MAGI1: variants seen among roughly 807,000 people sequenced by gnomAD.
MAGI1 encodes membrane-associated guanylate kinase, WW and PDZ domain-containing protein 1.
A neutral mutation model predicts 139.9 loss-of-function variants in MAGI1; 58 were observed. The observed-to-expected ratio is 0.41, with a 90% confidence interval of 0.34 to 0.52. MAGI1 has a LOEUF of 0.52. Among genes scored for constraint, MAGI1 ranks in the 20% least tolerant of loss-of-function variants. The probability of loss-of-function intolerance (pLI) is 0.12; values close to 1 mark genes in which losing one functional copy is unlikely to be tolerated. For synonymous variants in MAGI1, 812 were observed against 737.9 expected, an observed-to-expected ratio of 1.10 and a Z score of -1.63; for missense variants, 1,874 against 1,901.6, an observed-to-expected ratio of 0.99 and a Z score of 0.27.
chr3:65,579,523 TA>T (rs1293755354), intron 2 of MAGI1, among the ~76,000 whole-genome samples: 1 of 152,106 alleles, frequency 6.6e-6, no homozygotes, highest in Admixed American at 6.5e-5. Flanking sequence ...GTAACAGGGA[TA>T]AACACGAATG....
intron 5 of MAGI1, among the ~76,000 whole-genome samples, chr3:65,456,131 TGA>T (rs1420473264): frequency 6.6e-6 from 1 of 152,240 alleles, no homozygotes; most frequent in Non-Finnish European, 1.5e-5. Flanking sequence ...CAGCAATGGA[TGA>T]GAGATCCAGT....
chr3:65,850,558 T>C lies in MAGI1; in HGVS notation c.313+187438A>G, dbSNP rs144300775. On this transcript the variant is annotated intron_variant, in intron 1 of 22. Transcript: ENST00000402939. ...AGAGTTTTCCATTAAAACAAAGATA[T>C]ATAATAGAATACGATATAAACTCTG... 1.4e-3 allele frequency among the ~76,000 whole-genome samples: 217 copies of C among 152,286 alleles called. 2 individuals carry two copies. Among genetic ancestry groups the C allele is most frequent in the African/African-American group, 5.1e-3 (211 of 41,554 alleles).
intron 2 of MAGI1, among the ~76,000 whole-genome samples, chr3:65,522,102 T>C (rs1156500626): frequency 6.6e-6 from 1 of 152,194 alleles, no homozygotes; most frequent in African/African-American, 2.4e-5. Flanking sequence ...AGAGCAGTAT[T>C]TTCTGCCACA....
intron 1 of MAGI1, among the ~76,000 whole-genome samples, chr3:65,994,662 G>A (rs1253158806): frequency 6.6e-6 from 1 of 152,146 alleles, no homozygotes; most frequent in Non-Finnish European, 1.5e-5. Flanking sequence ...TATCTGTTGG[G>A]GTGAACCATC....
At chr3:65,517,213 C>T (rs2077944619) in intron 2 of MAGI1, among the ~76,000 whole-genome samples, 2 of 152,152 alleles carry the variant, frequency 1.3e-5, no homozygotes, top group Non-Finnish European at 2.9e-5. Flanking sequence ...GCTATTACTC[C>T]TCCCTACAAC....
chr3:65,704,477 C>A (rs2089823899), intron 1 of MAGI1, among the ~76,000 whole-genome samples: 1 of 152,118 alleles, frequency 6.6e-6, no homozygotes, highest in South Asian at 2.1e-4. Context: ...TAGACATTAC[C>A]ACTTGCCAGG....
At chr3:65,976,250 T>C (rs2065258849) in intron 1 of MAGI1, among the ~76,000 whole-genome samples, 1 of 152,182 alleles carries the variant, frequency 6.6e-6, no homozygotes, top group South Asian at 2.1e-4. Context: ...ATACCTTAAA[T>C]GATGTAATTA....
At chr3:65,744,962 G>C (rs927958020) in intron 1 of MAGI1, among the ~76,000 whole-genome samples, 6 of 151,760 alleles carry the variant, frequency 4.0e-5, no homozygotes, top group African/African-American at 1.5e-4. Flanking sequence ...TCCCCATTCT[G>C]TCCCTCCCTC....
intron 18 of MAGI1, chr3:65,371,834 A>G: frequency 2.6e-6 from 1 of 387,986 alleles, no homozygotes. Context: ...TCATCTGTTC[A>G]AGTTTTATCA....
At chr3:65,855,612 T>TGGCGAGGAGAGAGGGGAGGGGACG (rs2059349418) in intron 1 of MAGI1, among the ~76,000 whole-genome samples, 1 of 598 alleles carries the variant, frequency 1.7e-3, no homozygotes, top group African/African-American at 6.8e-3. Flanking sequence ...AGACGGGAGA[T>TGGCGAGGAGAGAGGGGAGGGGACG]GGGGAGGAGA....
intron 1 of MAGI1, among the ~76,000 whole-genome samples, chr3:65,947,027 A>C (rs971279670): frequency 2.0e-5 from 3 of 152,192 alleles, no homozygotes; most frequent in Non-Finnish European, 2.9e-5. Flanking sequence ...GCTAAATGTC[A>C]AGGCAAATTT....
At chr3:65,530,310 C>G (rs147367458) in intron 2 of MAGI1, among the ~76,000 whole-genome samples, 24 of 152,136 alleles carry the variant, frequency 1.6e-4, no homozygotes, top group Non-Finnish European at 5.9e-5. Flanking sequence ...GTCTTTCACT[C>G]CTTTTCTCCA....
chr3:65,575,381 G>A (rs768989749), intron 2 of MAGI1, among the ~76,000 whole-genome samples: 3 of 152,084 alleles, frequency 2.0e-5, no homozygotes, highest in Non-Finnish European at 4.4e-5. Context: ...ACCAAAGCAA[G>A]TATTGATGAA....
chr3:65,557,441 T>C (rs2080139269), intron 2 of MAGI1, among the ~76,000 whole-genome samples: 1 of 152,180 alleles, frequency 6.6e-6, no homozygotes. Context: ...CAGCCAGCTG[T>C]ATCCTCATGA....
At chr3:65,391,102 G>A (rs370088288) in intron 14 of MAGI1, 40 bp downstream of exon 14, 139 of 1,535,094 alleles carry the variant, frequency 9.1e-5, no homozygotes, top group East Asian at 2.7e-4. Flanking sequence ...AGAGCCCTGC[G>A]GAGGGGTCAG....
chr3:65,999,972 CTTTT>C (rs3048011), intron 1 of MAGI1, among the ~76,000 whole-genome samples: 1 of 113,284 alleles, frequency 8.8e-6, no homozygotes, highest in African/African-American at 3.4e-5. Flanking sequence ...TCCCCCCACG[CTTTT>C]TTTTTTTTTT....
At chr3:65,840,096 T>C (rs2058754537) in intron 1 of MAGI1, among the ~76,000 whole-genome samples, 1 of 152,196 alleles carries the variant, frequency 6.6e-6, no homozygotes, top group South Asian at 2.1e-4. Flanking sequence ...TTGATTTTTG[T>C]AAGCTTATCT....
chr3:65,681,653 A>G (rs2087598889), intron 1 of MAGI1, among the ~76,000 whole-genome samples: 4 of 152,244 alleles, frequency 2.6e-5, no homozygotes, highest in African/African-American at 9.6e-5. Flanking sequence ...AAGTTTACTG[A>G]GACTCAGTGC....
intron 1 of MAGI1, among the ~76,000 whole-genome samples, chr3:65,750,752 G>A (rs766526069): frequency 6.6e-6 from 1 of 152,112 alleles, no homozygotes; most frequent in Non-Finnish European, 1.5e-5. Flanking sequence ...TTCCCCGCAA[G>A]GTATTTTACA....
Sources: allele counts gnomAD v4.1 joint callset (sites outside exome capture counted in the v4.1 genomes callset), GRCh38; gene constraint gnomAD v4.1.1; transcripts MANE v1.5; gene names NCBI Gene and HGNC (gene_info 2026-07-23, HGNC 2026-07-21).